Variants in CEP85L observed in about 807,000 individuals in gnomAD.
CEP85L encodes centrosomal protein 85L, also known as centrosomal protein of 85 kDa-like.
In CEP85L, 60 loss-of-function variants were observed where a neutral mutation model predicts 100.3. The observed-to-expected ratio is 0.60, with a 90% CI of 0.49 to 0.74. The LOEUF (loss-of-function observed/expected upper bound fraction) is 0.74, where lower values mean the gene tolerates loss of function less well. CEP85L is among the 30% of genes least tolerant of loss of function. CEP85L has a pLI of 0.00. For missense variants in CEP85L, 973 were observed against 936.2 expected (o/e 1.04, Z -0.51); for synonymous variants, 319 against 322.7 (o/e 0.99, Z 0.12).
Position 118,566,094 on chromosome 6 carries a change from G to T in CEP85L, c.455C>A (p.Pro152Gln), listed in dbSNP as rs1779485563. 1.2e-6 allele frequency: 2 copies of T among 1,614,166 alleles called. No individual in the cohort carries two copies. Among genetic ancestry groups the T allele is most frequent in the Non-Finnish European group, 1.7e-6 (2 of 1,180,022 alleles). Residue 152 changes from proline (P) to glutamine (Q), a missense_variant, in exon 3 of 13, where the codon CCA becomes CAA. Coordinates refer to ENST00000368491, the MANE Select transcript of CEP85L (RefSeq NM_001042475.3). ...DSSLDMKDFR[P>Q]LRKWSSLSKL... ...GGATAAAGATGACCATTTCCGAAGTGGCCGGAAGTCCTTCATGTCTAGGGA... is the reference window on the plus strand; with the variant it reads ...GGATAAAGATGACCATTTCCGAAGTTGCCGGAAGTCCTTCATGTCTAGGGA...
intron 2 of CEP85L, among the ~76,000 whole-genome samples, chr6:118,576,610 T>C (rs1448347664): frequency 1.3e-5 from 2 of 152,166 alleles, no homozygotes; most frequent in Non-Finnish European, 2.9e-5. Flanking sequence ...CTTCTGCCCC[T>C]CTGTGGAAAG....
intron 1 of CEP85L, among the ~76,000 whole-genome samples, chr6:118,688,861 C>G (rs189684710): frequency 6.6e-6 from 1 of 152,322 alleles, no homozygotes; most frequent in East Asian, 1.9e-4. Flanking sequence ...TTGGGCCTCT[C>G]TTATGCCCTA....
At chr6:118,481,271 G>A (rs1773763689) in intron 8 of CEP85L, among the ~76,000 whole-genome samples, 2 of 151,294 alleles carry the variant, frequency 1.3e-5, no homozygotes, top group South Asian at 2.1e-4. Flanking sequence ...TTAGGTAAAG[G>A]GTTTGTATTA....
chr6:118,520,042 G>A (rs1353072383), intron 4 of CEP85L, among the ~76,000 whole-genome samples: 1 of 152,158 alleles, frequency 6.6e-6, no homozygotes, highest in Non-Finnish European at 1.5e-5. Context: ...TAGAATAGAA[G>A]TAGTTTCCAC....
At chr6:118,709,300 T>C (rs111993717) in intron 1 of CEP85L, among the ~76,000 whole-genome samples, 5 of 152,256 alleles carry the variant, frequency 3.3e-5, no homozygotes, top group African/African-American at 1.2e-4. Context: ...TCCTCACTCA[T>C]TAATGTTTGT....
At chr6:118,692,676 T>C (rs1016382992) in intron 1 of CEP85L, among the ~76,000 whole-genome samples, 1 of 90,526 alleles carries the variant, frequency 1.1e-5, no homozygotes, top group African/African-American at 4.0e-5. Context: ...CAATTTCTTT[T>C]AATCTAAAAA....
At chr6:118,705,177 A>G (rs1777557047) in intron 1 of CEP85L, among the ~76,000 whole-genome samples, 1 of 152,200 alleles carries the variant, frequency 6.6e-6, no homozygotes, top group South Asian at 2.1e-4. Context: ...TTCTGTTTTA[A>G]TAAACTCATG....
At chr6:118,673,681 A>T (rs1209530233) in intron 1 of CEP85L, among the ~76,000 whole-genome samples, 4 of 152,180 alleles carry the variant, frequency 2.6e-5, no homozygotes, top group Admixed American at 2.6e-4. Flanking sequence ...TCTCCCATTG[A>T]CTGTATCTAA....
chr6:118,651,718 G>A (rs897892949), upstream of CEP85L: 3 of 888,546 alleles, frequency 3.4e-6, no homozygotes, highest in Admixed American at 6.5e-5. Context: ...GACTGCGGGG[G>A]GCGGGTGAGC....
chr6:118,502,835 AT>A, intron 5 of CEP85L: 1 of 626,764 alleles, frequency 1.6e-6, no homozygotes, highest in Non-Finnish European at 3.0e-6. Flanking sequence ...AGCAATGGGG[AT>A]TTCCATTCCT....
chr6:118,614,147 AG>A (rs1184379033), intron 2 of CEP85L, among the ~76,000 whole-genome samples: 8 of 152,238 alleles, frequency 5.3e-5, no homozygotes, highest in African/African-American at 1.9e-4. Context: ...CAATTCATTG[AG>A]GAAAAAAAAT....
rs772036736 is a variant in CEP85L, at chr6:118,481,765, G to A, written c.1745+14C>T. ...GAATAAAATAATGTAGAAGGATTCA[G>A]AAAATTTTCTTACCTCTGAACGGTA... On this transcript the variant is annotated intron_variant, in intron 8 of 12. Transcript: ENST00000368491. 2 of 1,488,170 alleles carry A rather than the reference G, an allele frequency of 1.3e-6. No homozygotes were observed. The highest frequency in any genetic ancestry group is 1.3e-5 in the South Asian group (1 of 74,662). 92.2% of individuals were successfully genotyped at this position (1,488,170 alleles called of 1,614,324 possible).
chr6:118,663,112 G>A (rs1173863686), intron 1 of CEP85L, among the ~76,000 whole-genome samples: 1 of 151,310 alleles, frequency 6.6e-6, no homozygotes, highest in African/African-American at 2.4e-5. Context: ...AAATAATTAA[G>A]AAAATAATTT....
At chr6:118,580,264 C>G (rs998131409) in intron 2 of CEP85L, among the ~76,000 whole-genome samples, 2 of 152,146 alleles carry the variant, frequency 1.3e-5, no homozygotes, top group Non-Finnish European at 2.9e-5. Context: ...ATATCCATGT[C>G]GTCGTATTTA....
At chr6:118,516,232 T>C (rs781733972) in intron 4 of CEP85L, among the ~76,000 whole-genome samples, 2 of 152,216 alleles carry the variant, frequency 1.3e-5, no homozygotes, top group Admixed American at 6.5e-5. Context: ...TCTGTCTTTA[T>C]AGGAGAATGA....
chr6:118,523,532 C>T (rs1776784923), intron 4 of CEP85L, among the ~76,000 whole-genome samples: 1 of 152,128 alleles, frequency 6.6e-6, no homozygotes, highest in Non-Finnish European at 1.5e-5. Context: ...AGCTAACCCG[C>T]TACACGTACA....
intron 4 of CEP85L, among the ~76,000 whole-genome samples, chr6:118,516,736 A>G (rs1776304208): frequency 6.6e-6 from 1 of 152,096 alleles, no homozygotes; most frequent in Non-Finnish European, 1.5e-5. Flanking sequence ...GCTGTGCAGA[A>G]GCTCTTTAGT....
At chr6:118,593,319 T>G (rs1211189955) in intron 2 of CEP85L, among the ~76,000 whole-genome samples, 1 of 151,038 alleles carries the variant, frequency 6.6e-6, no homozygotes, top group Non-Finnish European at 1.5e-5. Context: ...GTGTATGGTA[T>G]AAGTCCATTA....
At chr6:118,573,780 G>GC (rs1240229038) in intron 2 of CEP85L, among the ~76,000 whole-genome samples, 15 of 152,102 alleles carry the variant, frequency 9.9e-5, no homozygotes, top group Non-Finnish European at 4.4e-5. Context: ...TGACTGGATA[G>GC]CCACAGGCAA....
Sources: gnomAD v4.1 joint callset for allele counts (sites outside exome capture counted in the v4.1 genomes callset) on GRCh38, gnomAD v4.1.1 for gene constraint, MANE v1.5 for transcripts, NCBI Gene and HGNC (gene_info 2026-07-23, HGNC 2026-07-21) for gene names.